Variants in TNIK observed in about 807,000 individuals in gnomAD.
TNIK encodes TRAF2 and NCK-interacting protein kinase.
In TNIK, 49 loss-of-function variants were observed where a neutral mutation model predicts 191.3. The ratio of observed to expected loss-of-function variants is 0.26; its 90% CI spans 0.20 to 0.32. The LOEUF (loss-of-function observed/expected upper bound fraction) is 0.32. TNIK is among the 10% of genes least tolerant of loss of function. The pLI, the probability that TNIK is intolerant of heterozygous loss-of-function variation, is 1.00. For synonymous variants in TNIK, 594 were observed against 600.9 expected (o/e 0.99, Z 0.17); for missense variants, 1,155 against 1,702.3 (o/e 0.68, Z 5.66).
At chr3:171,157,326 T>G (rs1008078089) in intron 12 of TNIK, 134 bp downstream of exon 12, 6 of 1,096,502 alleles carry the variant, frequency 5.5e-6, no homozygotes, top group Non-Finnish European at 7.7e-6. Flanking sequence ...AGGACTTATC[T>G]GCCCTTGCAG....
At chr3:171,190,584 T>A (rs1737931713) in intron 6 of TNIK, 113 bp downstream of exon 6, 1 of 761,450 alleles carries the variant, frequency 1.3e-6, no homozygotes, top group East Asian at 2.8e-5. Flanking sequence ...TTTCCATTTT[T>A]AGGGCAATGC....
At chr3:171,182,383 G>C (rs1379243629) in intron 7 of TNIK, among the ~76,000 whole-genome samples, 1 of 152,036 alleles carries the variant, frequency 6.6e-6, no homozygotes, top group Non-Finnish European at 1.5e-5. Context: ...AGGAGAAAAT[G>C]CTCCAATTAC....
Position 171,460,157 on chromosome 3 carries a change from G to T in TNIK, c.-94C>A. On this transcript the variant is annotated 5_prime_UTR_variant, in exon 1 of 33. Transcript: ENST00000436636. This position sits in a 1 kb window ranked among gnomAD's most constrained non-coding sequence, Gnocchi z 6.8. Reference sequence around the variant, plus strand: ...GTCTATTTCACTCGCGTCCTCATGCGGGTGTCGCGCCAGAGGCCCCGGGCC... The same window carrying T: ...GTCTATTTCACTCGCGTCCTCATGCTGGTGTCGCGCCAGAGGCCCCGGGCC... 3 of 1,492,978 alleles carry T rather than the reference G, an allele frequency of 2.0e-6. No homozygotes were observed. Among genetic ancestry groups the T allele is most frequent in the East Asian group, 2.5e-5 (1 of 40,540 alleles). 92.5% of individuals were successfully genotyped at this position (1,492,978 alleles called of 1,614,324 possible).
intron 2 of TNIK, among the ~76,000 whole-genome samples, chr3:171,282,559 G>A (rs1028421839): frequency 2.0e-5 from 3 of 151,984 alleles, no homozygotes; most frequent in Non-Finnish European, 4.4e-5. Context: ...GGCCAGGCTG[G>A]TCCCGAACTC....
intron 18 of TNIK, among the ~76,000 whole-genome samples, chr3:171,121,412 G>T (rs536215089): frequency 3.3e-4 from 51 of 152,306 alleles, no homozygotes; most frequent in Non-Finnish European, 6.6e-4. Context: ...ACTTGTGATG[G>T]CTAATGGGTT....
chr3:171,404,826 T>C (rs1721449108), intron 1 of TNIK, among the ~76,000 whole-genome samples: 1 of 152,194 alleles, frequency 6.6e-6, no homozygotes, highest in South Asian at 2.1e-4. Context: ...TGGTTGTCAG[T>C]CTGGCGGTTT....
chr3:171,289,399 A>G (rs1231234104), intron 2 of TNIK, among the ~76,000 whole-genome samples: 1 of 152,210 alleles, frequency 6.6e-6, no homozygotes, highest in East Asian at 1.9e-4. Flanking sequence ...CCAGTTAAAA[A>G]TGTTCAGTCT....
intron 4 of TNIK, among the ~76,000 whole-genome samples, chr3:171,202,129 G>A (rs949983657): frequency 5.3e-5 from 8 of 152,124 alleles, no homozygotes; most frequent in Admixed American, 3.3e-4. Flanking sequence ...TTAAAGAAAC[G>A]TTACGGACAT....
At chr3:171,422,826 C>T (rs377132094) in intron 1 of TNIK, among the ~76,000 whole-genome samples, 9 of 152,336 alleles carry the variant, frequency 5.9e-5, no homozygotes, top group East Asian at 3.9e-4. Context: ...CTTCCTAGCC[C>T]GGTGGCTTTG....
At chr3:171,428,718 T>A (rs1042117685) in intron 1 of TNIK, among the ~76,000 whole-genome samples, 1 of 133,054 alleles carries the variant, frequency 7.5e-6, no homozygotes, top group Non-Finnish European at 1.8e-5. Flanking sequence ...AATTCTGTGC[T>A]GCAGCATTTG....
At chr3:171,376,071 C>G (rs1240801096) in intron 1 of TNIK, among the ~76,000 whole-genome samples, 1 of 152,118 alleles carries the variant, frequency 6.6e-6, no homozygotes, top group African/African-American at 2.4e-5. Context: ...TTAAGAAGAC[C>G]AAAATGTTAT....
chr3:171,455,055 C>A (rs1010922884), intron 1 of TNIK, among the ~76,000 whole-genome samples: 12 of 152,142 alleles, frequency 7.9e-5, no homozygotes, highest in Non-Finnish European at 1.8e-4. Flanking sequence ...CTCCAAAAAA[C>A]TTCAGGGCTG....
intron 2 of TNIK, among the ~76,000 whole-genome samples, chr3:171,288,654 A>T (rs886264749): frequency 2.0e-5 from 3 of 152,042 alleles, no homozygotes; most frequent in Non-Finnish European, 4.4e-5. Flanking sequence ...TAAAAATACA[A>T]AAAATTAGCC....
chr3:171,224,693 T>C lies in TNIK; in HGVS notation c.180+3472A>G, dbSNP rs116502188. 3.1e-3 allele frequency among the ~76,000 whole-genome samples: 478 copies of C among 152,278 alleles called. 1 individual carries two copies. The highest frequency in any genetic ancestry group is 0.011 in the African/African-American group (462 of 41,564). On this transcript the variant is annotated intron_variant, in intron 3 of 32. Transcript: ENST00000436636. The stretch of plus-strand genomic sequence containing the variant: ...GGTGCTGACTGCCCACTGATGCTGA[T>C]GGTCCACTTTAAGAAACACTACCTG...
Position 171,212,952 on chromosome 3 carries a change from C to A in TNIK, c.181-1711G>T, listed in dbSNP as rs138268114. Among the ~76,000 whole-genome samples, 433 of 152,212 alleles carry A rather than the reference C, an allele frequency of 2.8e-3. 1 individual carries two copies. Among genetic ancestry groups the A allele is most frequent in the Non-Finnish European group, 4.5e-3 (305 of 68,002 alleles). On this transcript the variant is annotated intron_variant, in intron 3 of 32. Coordinates refer to ENST00000436636, the MANE Select transcript of TNIK (RefSeq NM_015028.4). ...TTACATATCACATGGCTTAACTAAG[C>A]TGAAGACTAGGTAATCTCAAAATAG...
chr3:171,076,028 G>A (rs1719876418), intron 28 of TNIK, among the ~76,000 whole-genome samples: 1 of 152,044 alleles, frequency 6.6e-6, no homozygotes, highest in South Asian at 2.1e-4. Context: ...GAGCCACTGT[G>A]CCCGGCCCAA....
At chr3:171,415,630 T>C (rs1370733518) in intron 1 of TNIK, among the ~76,000 whole-genome samples, 2 of 151,988 alleles carry the variant, frequency 1.3e-5, no homozygotes, top group Non-Finnish European at 2.9e-5. Context: ...GGAACAGCCA[T>C]GACTCCAACA....
At chr3:171,211,687 C>T (rs538485389) in intron 3 of TNIK, among the ~76,000 whole-genome samples, 1 of 152,240 alleles carries the variant, frequency 6.6e-6, no homozygotes, top group South Asian at 2.1e-4. Flanking sequence ...TCTTTGAAGG[C>T]TCCTTTCATT....
chr3:171,171,477 T>G (rs934549800), intron 9 of TNIK, among the ~76,000 whole-genome samples: 4 of 152,250 alleles, frequency 2.6e-5, no homozygotes, highest in Non-Finnish European at 5.9e-5. Context: ...TTAGCCTCAC[T>G]GGGCCTGCAC....
Sources: allele counts gnomAD v4.1 joint callset (sites outside exome capture counted in the v4.1 genomes callset), GRCh38; gene constraint gnomAD v4.1.1; non-coding constraint Gnocchi (gnomAD v3.1); transcripts MANE v1.5; gene names NCBI Gene and HGNC (gene_info 2026-07-23, HGNC 2026-07-21).